The following METTL15 variants were observed in gnomAD, a reference collection of about 807,000 sequenced individuals.
The protein encoded by METTL15 is methyltransferase 15, mitochondrial 12S rRNA N4-cytidine.
A neutral mutation model predicts 38.3 loss-of-function variants in METTL15; 34 were observed. The ratio of observed to expected loss-of-function variants is 0.89; its 90% CI spans 0.68 to 1.18. The LOEUF (loss-of-function observed/expected upper bound fraction) is 1.18, where lower values mean the gene tolerates loss of function less well. METTL15 is among the 50% of genes most tolerant of loss of function. The probability of loss-of-function intolerance (pLI) is 0.00; values close to 1 mark genes in which losing one functional copy is unlikely to be tolerated. For missense variants in METTL15, 438 were observed against 498.4 expected (o/e 0.88, Z 1.15); for synonymous variants, 162 against 170.9 (o/e 0.95, Z 0.41).
intron 3 of METTL15, among the ~76,000 whole-genome samples, chr11:28,342,405 G>C (rs950440890): frequency 2.0e-5 from 3 of 152,030 alleles, no homozygotes; most frequent in Non-Finnish European, 4.4e-5. Flanking sequence ...TGGGACCACA[G>C]GTGTGTGGCA....
chr11:28,346,405 A>C (rs1849996509), intron 3 of METTL15, among the ~76,000 whole-genome samples: 2 of 152,176 alleles, frequency 1.3e-5, no homozygotes, highest in African/African-American at 4.8e-5. Context: ...ACTCACCAAA[A>C]ATGCAATGAG....
intron 6 of METTL15, among the ~76,000 whole-genome samples, chr11:28,484,269 A>G (rs1258884783): frequency 6.6e-6 from 1 of 152,194 alleles, no homozygotes; most frequent in Non-Finnish European, 1.5e-5. Context: ...AAGGCACAGA[A>G]GTTGAGTAAT....
intron 3 of METTL15, among the ~76,000 whole-genome samples, chr11:28,169,498 T>C (rs1850776285): frequency 6.6e-6 from 1 of 152,188 alleles, no homozygotes; most frequent in African/African-American, 2.4e-5. Flanking sequence ...TCTGGATCTA[T>C]AGATCTGAAA....
chr11:28,259,262 G>A (rs1470169344), intron 4 of METTL15, among the ~76,000 whole-genome samples: 2 of 152,144 alleles, frequency 1.3e-5, no homozygotes, highest in Non-Finnish European at 1.5e-5. Flanking sequence ...GCAAGACAAC[G>A]TCTTTCCCAT....
chr11:28,282,456 A>T (rs1018340991), intron 4 of METTL15, among the ~76,000 whole-genome samples: 1 of 152,192 alleles, frequency 6.6e-6, no homozygotes, highest in East Asian at 1.9e-4. Context: ...TAAAAAGAGT[A>T]TGATATATTG....
At chr11:28,242,039 G>T (rs1401110136) in intron 4 of METTL15, among the ~76,000 whole-genome samples, 1 of 152,060 alleles carries the variant, frequency 6.6e-6, no homozygotes, top group African/African-American at 2.4e-5. Flanking sequence ...AGGAGCCTAG[G>T]GCAAAAGCAG....
chr11:28,363,121 T>C (rs569291925), intron 5 of METTL15, among the ~76,000 whole-genome samples: 2 of 152,322 alleles, frequency 1.3e-5, no homozygotes, highest in Admixed American at 6.5e-5. Flanking sequence ...TGTTGTGCAT[T>C]TTTTTATGTG....
At chr11:28,190,872 C>CTCG (rs1490014981) in intron 3 of METTL15, among the ~76,000 whole-genome samples, 1 of 151,238 alleles carries the variant, frequency 6.6e-6, no homozygotes, top group Non-Finnish European at 1.5e-5. Flanking sequence ...ATGTACTTAG[C>CTCG]TCGTTTGCTT....
At chr11:28,283,664 C>T (rs1422774145) in intron 4 of METTL15, among the ~76,000 whole-genome samples, 2 of 152,116 alleles carry the variant, frequency 1.3e-5, no homozygotes, top group Admixed American at 1.3e-4. Flanking sequence ...TCAGGATTAA[C>T]AATACTTATT....
intron 4 of METTL15, among the ~76,000 whole-genome samples, chr11:28,244,145 A>C (rs982200430): frequency 6.6e-6 from 1 of 152,206 alleles, no homozygotes; most frequent in Non-Finnish European, 1.5e-5. Context: ...CTAAAAAGCA[A>C]GGGAATTATT....
chr11:28,213,323 A>G (rs1338571029), intron 4 of METTL15, among the ~76,000 whole-genome samples: 1 of 152,144 alleles, frequency 6.6e-6, no homozygotes, highest in Non-Finnish European at 1.5e-5. Flanking sequence ...AGAGATCACA[A>G]GAGATCAGTC....
intron 6 of METTL15, among the ~76,000 whole-genome samples, chr11:28,430,036 C>A (rs1051085236): frequency 6.9e-6 from 1 of 144,696 alleles, no homozygotes; most frequent in Non-Finnish European, 1.5e-5. Context: ...AGGAGCGCCT[C>A]TGCCCGGCCG....
At chr11:28,234,989 G>A (rs1853880035) in intron 4 of METTL15, among the ~76,000 whole-genome samples, 1 of 151,786 alleles carries the variant, frequency 6.6e-6, no homozygotes, top group Non-Finnish European at 1.5e-5. Flanking sequence ...TGTATAAGAT[G>A]TAAGGAAGGG....
intron 4 of METTL15, among the ~76,000 whole-genome samples, chr11:28,265,672 ACT>A (rs1490793137): frequency 6.6e-6 from 1 of 151,842 alleles, no homozygotes; most frequent in African/African-American, 2.4e-5. Flanking sequence ...CTAGATTCAC[ACT>A]CTTAGTGAAG....
intron 6 of METTL15, among the ~76,000 whole-genome samples, chr11:28,498,283 G>A (rs1273069798): frequency 2.0e-5 from 3 of 151,932 alleles, no homozygotes; most frequent in South Asian, 2.1e-4. Context: ...CTCAGCCTCC[G>A]GAGTAGCTGG....
intron 5 of METTL15, among the ~76,000 whole-genome samples, chr11:28,379,275 T>C (rs1850356398): frequency 6.6e-6 from 1 of 152,112 alleles, no homozygotes; most frequent in African/African-American, 2.4e-5. Context: ...TCATTTTTTA[T>C]ATTCTAGTTC....
intron 5 of METTL15, among the ~76,000 whole-genome samples, chr11:28,372,243 T>C (rs1221059967): frequency 6.6e-6 from 1 of 152,062 alleles, no homozygotes; most frequent in East Asian, 1.9e-4. Flanking sequence ...CATATGGTTT[T>C]TGTTCCTGGT....
intron 6 of METTL15, among the ~76,000 whole-genome samples, chr11:28,467,685 A>G (rs892301169): frequency 1.3e-5 from 2 of 152,174 alleles, no homozygotes; most frequent in Non-Finnish European, 2.9e-5. Context: ...ACCAAGTGCC[A>G]TAGTAAGGAC....
chr11:28,215,047 T>G (rs911929239), intron 4 of METTL15, among the ~76,000 whole-genome samples: 9 of 152,172 alleles, frequency 5.9e-5, no homozygotes, highest in Admixed American at 5.9e-4. Context: ...TAGAGAGAAC[T>G]ATCCATTTTT....
Sources: allele counts gnomAD v4.1 joint callset (sites outside exome capture counted in the v4.1 genomes callset), GRCh38; gene constraint gnomAD v4.1.1; transcripts MANE v1.5; gene names NCBI Gene and HGNC (gene_info 2026-07-23, HGNC 2026-07-21).